Variants in SSPN observed in about 807,000 individuals in gnomAD.
The protein encoded by SSPN is sarcospan, also known as K-ras oncogene-associated protein.
In SSPN, 15 loss-of-function variants were observed where a neutral mutation model predicts 19.1. The observed-to-expected ratio is 0.78, with a 90% CI of 0.52 to 1.21. The LOEUF is 1.21. Ranked by LOEUF, SSPN falls within the 50% of genes most tolerant of loss-of-function variation. The pLI is 0.00. For synonymous variants in SSPN, 147 were observed against 140.3 expected (o/e 1.05, Z -0.34); for missense variants, 291 against 314.0 (o/e 0.93, Z 0.55).
intron 1 of SSPN, among the ~76,000 whole-genome samples, chr12:26,208,763 C>T (rs1944954523): frequency 6.6e-6 from 1 of 152,100 alleles, no homozygotes; most frequent in South Asian, 2.1e-4. Flanking sequence ...AGGGTCCATA[C>T]ATTTTTTCTC....
At chr12:26,124,065 A>C (rs202094138) in intron 1 of SSPN, 1 of 1,565,494 alleles carries the variant, frequency 6.4e-7, no homozygotes, top group Non-Finnish European at 8.8e-7. Context: ...GAAAATGTGC[A>C]TCTTACTGTC....
At chr12:26,135,585 A>C (rs1352638598) in intron 1 of SSPN, among the ~76,000 whole-genome samples, 1 of 152,212 alleles carries the variant, frequency 6.6e-6, no homozygotes, top group East Asian at 1.9e-4. Flanking sequence ...ATAGGGTCAG[A>C]AACACATCAA....
intron 1 of SSPN, among the ~76,000 whole-genome samples, chr12:26,131,106 A>G (rs1384532470): frequency 1.3e-5 from 2 of 152,148 alleles, no homozygotes; most frequent in Non-Finnish European, 2.9e-5. Context: ...TTCTTTTTTC[A>G]TCAGTGAGTC....
chr12:26,229,656 C>T (rs1187214830), intron 2 of SSPN, among the ~76,000 whole-genome samples: 1 of 152,144 alleles, frequency 6.6e-6, no homozygotes, highest in Non-Finnish European at 1.5e-5. Flanking sequence ...TGTCCATTTA[C>T]CAGAATTGTT....
chr12:26,189,030 T>C (rs1389793695), intron 1 of SSPN, among the ~76,000 whole-genome samples: 1 of 152,112 alleles, frequency 6.6e-6, no homozygotes, highest in African/African-American at 2.4e-5. Flanking sequence ...TGTTTTTGTT[T>C]TTGTTTTTTT....
upstream of SSPN, among the ~76,000 whole-genome samples, chr12:26,190,937 C>T (rs1320667952): frequency 6.6e-6 from 1 of 152,204 alleles, no homozygotes; most frequent in Non-Finnish European, 1.5e-5. Flanking sequence ...ATCCCAACTC[C>T]TCAATCACTT....
At chr12:26,145,152 C>T (rs568805020) in intron 1 of SSPN, among the ~76,000 whole-genome samples, 357 of 152,356 alleles carry the variant, frequency 2.3e-3, no homozygotes, top group African/African-American at 8.1e-3. Context: ...TTCTTTCCAG[C>T]TCTCAAGTCA....
chr12:26,140,453 C>T (rs549855324), intron 1 of SSPN, among the ~76,000 whole-genome samples: 9 of 152,274 alleles, frequency 5.9e-5, no homozygotes, highest in African/African-American at 2.2e-4. Flanking sequence ...TAGTCAAAGC[C>T]ACTATCTCTC....
At chr12:26,223,440 C>T (rs1171275690) in intron 1 of SSPN, among the ~76,000 whole-genome samples, 1 of 152,222 alleles carries the variant, frequency 6.6e-6, no homozygotes, top group Non-Finnish European at 1.5e-5. Context: ...AAACTCCTGA[C>T]CTCAGGTGAT....
intron 1 of SSPN, among the ~76,000 whole-genome samples, chr12:26,185,554 T>G (rs1944748308): frequency 6.6e-6 from 1 of 152,114 alleles, no homozygotes; most frequent in African/African-American, 2.4e-5. Flanking sequence ...GAAGTGACAC[T>G]AGGAAGCATT....
intron 1 of SSPN, among the ~76,000 whole-genome samples, chr12:26,222,711 A>G (rs1945134925): frequency 6.6e-6 from 1 of 152,160 alleles, no homozygotes; most frequent in South Asian, 2.1e-4. Flanking sequence ...TTGATTAGAA[A>G]CTCTAAATCC....
At chr12:26,129,619 C>A (rs1032521209) in intron 1 of SSPN, among the ~76,000 whole-genome samples, 5 of 152,142 alleles carry the variant, frequency 3.3e-5, no homozygotes, top group African/African-American at 1.2e-4. Flanking sequence ...GCATACTCAG[C>A]AAATGAGCAG....
intron 1 of SSPN, among the ~76,000 whole-genome samples, chr12:26,198,177 T>TGGG: frequency 1.7e-5 from 2 of 116,644 alleles, no homozygotes; most frequent in East Asian, 2.1e-4. Context: ...GGGGGGGGGT[T>TGGG]TTTGGAGACA....
intron 1 of SSPN, among the ~76,000 whole-genome samples, chr12:26,209,025 C>A (rs913580375): frequency 7.0e-6 from 1 of 141,904 alleles, no homozygotes; most frequent in Non-Finnish European, 1.5e-5. Flanking sequence ...TCATTTTATT[C>A]TTCTTCAAAA....
chr12:26,212,330 G>A (rs894637337), intron 1 of SSPN, among the ~76,000 whole-genome samples: 1 of 152,188 alleles, frequency 6.6e-6, no homozygotes, highest in Non-Finnish European at 1.5e-5. Context: ...AGACTTAGGT[G>A]TGATTGAGCA....
chr12:26,122,492 C>T (rs1944318743), intron 1 of SSPN: 5 of 1,320,424 alleles, frequency 3.8e-6, no homozygotes, highest in Non-Finnish European at 4.9e-6. Context: ...CCGCGGCGGC[C>T]GCGGGCTGCG....
chr12:26,220,482 C>T (rs942784674), intron 1 of SSPN, among the ~76,000 whole-genome samples: 5 of 152,166 alleles, frequency 3.3e-5, no homozygotes, highest in South Asian at 2.1e-4. Flanking sequence ...GAAATATACC[C>T]GAGATGCTTT....
chr12:26,122,488 C>T, intron 1 of SSPN: 4 of 1,324,832 alleles, frequency 3.0e-6, no homozygotes, highest in South Asian at 1.7e-5. Context: ...GGGGCCGCGG[C>T]GGCCGCGGGC....
At chr12:26,173,448 T>C (rs1944665136) in intron 1 of SSPN, among the ~76,000 whole-genome samples, 1 of 152,160 alleles carries the variant, frequency 6.6e-6, no homozygotes, top group South Asian at 2.1e-4. Flanking sequence ...CTGGAGCCTT[T>C]CTTTTTGGGG....
Sources: gnomAD v4.1 joint callset for allele counts (sites outside exome capture counted in the v4.1 genomes callset) on GRCh38, gnomAD v4.1.1 for gene constraint, MANE v1.5 for transcripts, NCBI Gene and HGNC (gene_info 2026-07-23, HGNC 2026-07-21) for gene names.